Variants in PRKN observed in about 807,000 individuals in gnomAD.
PRKN encodes the protein E3 ubiquitin-protein ligase parkin.
In PRKN, 56 loss-of-function variants were observed where a neutral mutation model predicts 59.5. The observed-to-expected ratio is 0.94, with a 90% CI of 0.76 to 1.18. The LOEUF is 1.18. PRKN is among the 50% of genes most tolerant of loss of function. The probability of loss-of-function intolerance (pLI) is 0.00; values close to 1 mark genes in which losing one functional copy is unlikely to be tolerated. For missense variants in PRKN, 657 were observed against 596.4 expected, an observed-to-expected ratio of 1.10 and a Z score of -1.06; for synonymous variants, 250 against 222.1, an observed-to-expected ratio of 1.13 and a Z score of -1.12.
chr6:162,701,915 C>T (rs1439165151), intron 1 of PRKN, among the ~76,000 whole-genome samples: 1 of 151,292 alleles, frequency 6.6e-6, no homozygotes, highest in East Asian at 1.9e-4. Context: ...CCAACAGAAG[C>T]TCATGAAAGC....
At chr6:161,652,284 T>C (rs1784177229) in intron 7 of PRKN, among the ~76,000 whole-genome samples, 1 of 152,192 alleles carries the variant, frequency 6.6e-6, no homozygotes, top group South Asian at 2.1e-4. Flanking sequence ...ACAGAACTAA[T>C]GTATCAATGT....
intron 4 of PRKN, among the ~76,000 whole-genome samples, chr6:162,175,398 A>G (rs1783486490): frequency 6.6e-6 from 1 of 152,232 alleles, no homozygotes; most frequent in South Asian, 2.1e-4. Context: ...GGTCCGGTAC[A>G]TAGCAGGTAC....
At chr6:162,160,719 G>A (rs1782713703) in intron 4 of PRKN, among the ~76,000 whole-genome samples, 1 of 151,748 alleles carries the variant, frequency 6.6e-6, no homozygotes, top group Non-Finnish European at 1.5e-5. Context: ...TAAATCAGAT[G>A]GCTGTCCTGG....
At chr6:162,224,013 T>C (rs1778052915) in intron 3 of PRKN, among the ~76,000 whole-genome samples, 1 of 152,180 alleles carries the variant, frequency 6.6e-6, no homozygotes, top group Admixed American at 6.5e-5. Context: ...CTCAAGCTCC[T>C]GGTTGTGCCT....
At chr6:161,712,945 T>A (rs1786814842) in intron 7 of PRKN, among the ~76,000 whole-genome samples, 1 of 152,118 alleles carries the variant, frequency 6.6e-6, no homozygotes. Flanking sequence ...TCAACTCGAT[T>A]CTGATTCTAC....
Position 161,457,812 on chromosome 6 carries a change from A to C in PRKN, c.1084-70935T>G, listed in dbSNP as rs1342181520. Among the ~76,000 whole-genome samples the C allele has an allele frequency of 6.6e-6, 1 of 152,264 alleles. No homozygotes were observed. The highest frequency in any genetic ancestry group is 1.5e-5 in the Non-Finnish European group (1 of 68,048). On this transcript the variant is annotated intron_variant, in intron 9 of 11. Coordinates refer to ENST00000366898, the MANE Select transcript of PRKN (RefSeq NM_004562.3). This position sits in a 1 kb window ranked among gnomAD's most constrained non-coding sequence, Gnocchi z 5.0. ...TAATATGAAAACATGTGTGATAAGA[A>C]GTCCAACATTTTGTAGATGACCGCA...
At chr6:162,512,033 G>C (rs1033291710) in intron 1 of PRKN, among the ~76,000 whole-genome samples, 5 of 152,276 alleles carry the variant, frequency 3.3e-5, no homozygotes, top group South Asian at 4.1e-4. Context: ...CAGAAAGGTT[G>C]ATGAAAAGTG....
intron 7 of PRKN, among the ~76,000 whole-genome samples, chr6:161,611,029 A>T (rs553505815): frequency 6.6e-6 from 1 of 152,318 alleles, no homozygotes; most frequent in South Asian, 2.1e-4. Flanking sequence ...GATGCCCTGA[A>T]ACAGGAGCTT....
intron 9 of PRKN, among the ~76,000 whole-genome samples, chr6:161,408,541 T>C (rs1055313625): frequency 6.6e-5 from 10 of 151,792 alleles, no homozygotes; most frequent in Admixed American, 1.3e-4. Flanking sequence ...GTATTACTTT[T>C]GTAATAATAA....
chr6:162,392,346 CCTAA>C (rs1347871247), intron 2 of PRKN, among the ~76,000 whole-genome samples: 3 of 152,078 alleles, frequency 2.0e-5, no homozygotes, highest in Non-Finnish European at 4.4e-5. Flanking sequence ...TTCTTTTTCT[CCTAA>C]CTTTTATGTT....
chr6:161,710,856 C>T (rs57835841), intron 7 of PRKN, among the ~76,000 whole-genome samples: 3 of 55,588 alleles, frequency 5.4e-5, no homozygotes, highest in Non-Finnish European at 8.6e-5. Flanking sequence ...TTCTTCCCTT[C>T]CCTTCCCTTT....
chr6:161,885,533 C>CACAT (rs1795109678), intron 6 of PRKN, among the ~76,000 whole-genome samples: 2 of 151,888 alleles, frequency 1.3e-5, no homozygotes, highest in South Asian at 4.2e-4. Context: ...GGCGTGGTGG[C>CACAT]GGGCCCCTGT....
chr6:162,566,094 T>C (rs1375088975), intron 1 of PRKN, among the ~76,000 whole-genome samples: 1 of 152,086 alleles, frequency 6.6e-6, no homozygotes, highest in African/African-American at 2.4e-5. Context: ...ATAAAGCACA[T>C]GGTATTAGAG....
chr6:161,888,841 C>A (rs1299444328), intron 6 of PRKN, among the ~76,000 whole-genome samples: 1 of 152,076 alleles, frequency 6.6e-6, no homozygotes, highest in East Asian at 1.9e-4. Flanking sequence ...CCCTCCTTGC[C>A]CAGCTTAGAC....
chr6:161,381,183 TC>T (rs1209576786), intron 10 of PRKN, among the ~76,000 whole-genome samples: 3 of 152,186 alleles, frequency 2.0e-5, no homozygotes, highest in African/African-American at 7.2e-5. Flanking sequence ...GAGTTGGCCA[TC>T]CCTGGTATTG....
intron 4 of PRKN, among the ~76,000 whole-genome samples, chr6:162,113,914 G>A (rs1201132881): frequency 6.6e-6 from 1 of 151,964 alleles, no homozygotes; most frequent in Admixed American, 6.6e-5. Flanking sequence ...AAGGGATCCA[G>A]TTTCAGCTTT....
chr6:162,074,644 A>T (rs1001442280), intron 4 of PRKN, among the ~76,000 whole-genome samples: 29 of 152,108 alleles, frequency 1.9e-4, no homozygotes, highest in African/African-American at 5.8e-4. Context: ...AAAAAAAGTC[A>T]CATTTCTTAA....
At chr6:161,687,218 C>G (rs1020781835) in intron 7 of PRKN, among the ~76,000 whole-genome samples, 1 of 151,190 alleles carries the variant, frequency 6.6e-6, no homozygotes, top group Non-Finnish European at 1.5e-5. Context: ...GAAACTCTGT[C>G]TCTACTAAAA....
chr6:162,635,592 TATTATA>T (rs1156944696), intron 1 of PRKN, among the ~76,000 whole-genome samples: 1 of 91,338 alleles, frequency 1.1e-5, no homozygotes, highest in Non-Finnish European at 2.2e-5. Flanking sequence ...TTTCTTATTT[TATTATA>T]ATAATATTAT....
Sources: gnomAD v4.1 joint callset for allele counts (sites outside exome capture counted in the v4.1 genomes callset) on GRCh38, gnomAD v4.1.1 for gene constraint, Gnocchi (gnomAD v3.1) non-coding constraint, MANE v1.5 for transcripts, NCBI Gene and HGNC (gene_info 2026-07-23, HGNC 2026-07-21) for gene names.